Variants in GPR161 observed in about 807,000 individuals in gnomAD.
GPR161 encodes the protein G-protein coupled receptor RE2.
In GPR161, 25 loss-of-function variants were observed where a neutral mutation model predicts 39.2. That is an observed-to-expected ratio of 0.64 (90% CI 0.47 to 0.89). The LOEUF (loss-of-function observed/expected upper bound fraction) is 0.89, where lower values mean the gene tolerates loss of function less well. Ranked by LOEUF, GPR161 falls within the 40% of genes least tolerant of loss-of-function variation. The probability of loss-of-function intolerance (pLI) is 0.00; values close to 1 mark genes in which losing one functional copy is unlikely to be tolerated. For synonymous variants in GPR161, 286 were observed against 276.6 expected (o/e 1.03, Z -0.34); for missense variants, 547 against 677.8 (o/e 0.81, Z 2.14).
At chr1:168,087,335 G>A (rs1394476391) in intron 5 of GPR161, among the ~76,000 whole-genome samples, 1 of 124,426 alleles carries the variant, frequency 8.0e-6, no homozygotes, top group Non-Finnish European at 1.5e-5. Flanking sequence ...ACACGTGTGG[G>A]TGTGTGTGTG....
chr1:168,130,093 C>T (rs1698875332), intron 1 of GPR161, among the ~76,000 whole-genome samples: 1 of 152,188 alleles, frequency 6.6e-6, no homozygotes, highest in African/African-American at 2.4e-5. Context: ...TGCTTACCTG[C>T]TAATCATCCT....
intron 1 of GPR161, among the ~76,000 whole-genome samples, chr1:168,117,626 G>A (rs928337793): frequency 6.6e-6 from 1 of 152,188 alleles, no homozygotes; most frequent in Non-Finnish European, 1.5e-5. Flanking sequence ...TTAGTGCTAC[G>A]TGTTTGTTAA....
intron 1 of GPR161, chr1:168,136,077 G>A: frequency 8.0e-7 from 1 of 1,255,410 alleles, no homozygotes; most frequent in Admixed American, 4.2e-5. Flanking sequence ...TGGCCCAGAA[G>A]GCGCCGAGGG....
At chr1:168,127,975 T>A (rs1441670866) in intron 1 of GPR161, among the ~76,000 whole-genome samples, 1 of 152,128 alleles carries the variant, frequency 6.6e-6, no homozygotes, top group Non-Finnish European at 1.5e-5. Context: ...AGCCCCACTA[T>A]AGGAAGATGC....
At chr1:168,136,352 G>A in intron 1 of GPR161, 1 of 1,473,084 alleles carries the variant, frequency 6.8e-7, no homozygotes, top group Non-Finnish European at 9.0e-7. Context: ...CAGGGGGCGC[G>A]GCCCGCATCG....
At position 168,090,663 on chromosome 1, in the gene GPR161, C is replaced by A; in HGVS notation, c.1105G>T (p.Gly369Cys). The change falls in exon 4 of 6, where the codon GGC becomes TGC. Residue 369 changes from glycine (G) to cysteine (C), a missense_variant. Physicochemically the swap from Gly to Cys is radical, Grantham distance 159 (BLOSUM62 -3). Coordinates refer to ENST00000682931, the MANE Select transcript of GPR161 (RefSeq NM_001375883.1). Reference protein sequence around the residue: ...FSISNRITDLGLSPHLTALMA... With the variant: ...FSISNRITDLCLSPHLTALMA... ...AGCGCAGTGAGGTGTGGGGACAGGC[C>A]CAGGTCTGAAAGACAAAATTGGCAT... The A allele has an allele frequency of 6.3e-7, 1 of 1,599,848 alleles. No individual in the cohort carries two copies. Among genetic ancestry groups the A allele is most frequent in the Non-Finnish European group, 8.5e-7 (1 of 1,170,016 alleles).
At chr1:168,095,475 G>C (rs1347013385) in intron 3 of GPR161, among the ~76,000 whole-genome samples, 1 of 152,062 alleles carries the variant, frequency 6.6e-6, no homozygotes, top group African/African-American at 2.4e-5. Context: ...AAAATAAAAA[G>C]TTTTAACAAA....
intron 1 of GPR161, chr1:168,134,806 G>T: frequency 1.9e-6 from 2 of 1,045,006 alleles, no homozygotes; most frequent in Non-Finnish European, 2.9e-6. Flanking sequence ...AGGCTTAGCA[G>T]CACACAGCTC....
At chr1:168,123,926 C>A (rs1414196995) in intron 1 of GPR161, among the ~76,000 whole-genome samples, 1 of 152,200 alleles carries the variant, frequency 6.6e-6, no homozygotes, top group Non-Finnish European at 1.5e-5. Context: ...GCTAGTCAAC[C>A]CCTTTTTGGT....
intron 1 of GPR161, among the ~76,000 whole-genome samples, chr1:168,107,226 GA>G: frequency 6.6e-6 from 1 of 151,636 alleles, no homozygotes; most frequent in Non-Finnish European, 1.5e-5. Flanking sequence ...AAAATCAAGA[GA>G]AAAAAAACAG....
chr1:168,106,120 C>G (rs1696598885), intron 1 of GPR161, among the ~76,000 whole-genome samples: 1 of 152,204 alleles, frequency 6.6e-6, no homozygotes, highest in Non-Finnish European at 1.5e-5. Context: ...AGACCTTTCA[C>G]TAACTCAGCT....
intron 3 of GPR161, among the ~76,000 whole-genome samples, chr1:168,092,412 G>A (rs779053177): frequency 5.9e-5 from 9 of 152,200 alleles, no homozygotes; most frequent in Non-Finnish European, 1.2e-4. Flanking sequence ...CAGCTAAAAG[G>A]TCTGGAAACG....
At chr1:168,103,550 C>T (rs1426821530) in intron 2 of GPR161, among the ~76,000 whole-genome samples, 1 of 152,104 alleles carries the variant, frequency 6.6e-6, no homozygotes, top group East Asian at 1.9e-4. Flanking sequence ...GCAGTCTGTG[C>T]TCCCAGTGGA....
At chr1:168,121,473 T>G (rs1355816227) in intron 1 of GPR161, among the ~76,000 whole-genome samples, 1 of 152,080 alleles carries the variant, frequency 6.6e-6, no homozygotes, top group Non-Finnish European at 1.5e-5. Context: ...TCTCCTATAT[T>G]AAAAGCTGTC....
intron 1 of GPR161, among the ~76,000 whole-genome samples, chr1:168,116,296 G>A (rs1221488111): frequency 6.6e-6 from 1 of 152,186 alleles, no homozygotes; most frequent in East Asian, 1.9e-4. Context: ...AGTGCAAACA[G>A]GTAGGTACAT....
rs770381622 is a variant in GPR161, at chr1:168,136,250, T to A, written c.-45+489A>T. ...CCCTGAGTCCCGGCTGGGAGAAGGC[T>A]GCTCACCTGGTCCTCACGGATTCCA... On this transcript the variant is annotated intron_variant, in intron 1 of 5. Transcript: ENST00000682931. 3 of 1,368,836 alleles carry A rather than the reference T, an allele frequency of 2.2e-6. No homozygotes were observed. In the South Asian group the frequency reaches 5.0e-5, roughly 23 times the overall value. 84.8% of individuals were successfully genotyped at this position (1,368,836 alleles called of 1,614,324 possible). A position where few individuals can be genotyped will look rare whatever the true frequency, so the allele number is the denominator to read the frequency against.
chr1:168,091,022 C>T (rs1268054948), intron 3 of GPR161, among the ~76,000 whole-genome samples: 1 of 152,260 alleles, frequency 6.6e-6, no homozygotes, highest in Non-Finnish European at 1.5e-5. Flanking sequence ...ACCCCACATT[C>T]ACCTCCTGAA....
intron 1 of GPR161, among the ~76,000 whole-genome samples, chr1:168,110,469 A>G (rs1213338495): frequency 2.0e-5 from 3 of 147,046 alleles, no homozygotes; most frequent in Non-Finnish European, 4.5e-5. Context: ...ACTGCACTCC[A>G]GCCTAGACGA....
At position 168,136,890 on chromosome 1, in the gene GPR161, C is replaced by T; in HGVS notation, c.-196G>A. On this transcript the variant is annotated 5_prime_UTR_variant, in exon 1 of 6. Coordinates refer to ENST00000682931, the MANE Select transcript of GPR161 (RefSeq NM_001375883.1). ...AGCCCCGCTTCGCTCCTCCCGCGGG[C>T]CAGCCACCAGCACGCGGACCCGGGC... 2 of 981,930 alleles carry T rather than the reference C, an allele frequency of 2.0e-6. No homozygotes were observed. Among genetic ancestry groups the T allele is most frequent in the African/African-American group, 1.8e-5 (1 of 56,932 alleles). The allele number at this position is 981,930 out of a possible 1,614,324, so 60.8% of individuals were successfully genotyped here.
Sources: allele counts gnomAD v4.1 joint callset (sites outside exome capture counted in the v4.1 genomes callset), GRCh38; gene constraint gnomAD v4.1.1; transcripts MANE v1.5; gene names NCBI Gene and HGNC (gene_info 2026-07-23, HGNC 2026-07-21).